Variants in LIG1 observed in about 807,000 individuals in gnomAD.
LIG1 encodes DNA ligase 1, also known as ligase I, DNA, ATP-dependent.
In LIG1, 70 loss-of-function variants were observed where a neutral mutation model predicts 115.7. The ratio of observed to expected loss-of-function variants is 0.60; its 90% CI spans 0.50 to 0.74. LIG1 has a LOEUF of 0.74. Ranked by LOEUF, LIG1 falls within the 30% of genes least tolerant of loss-of-function variation. LIG1 has a pLI of 0.00. For missense variants in LIG1, 1,115 were observed against 1,225.6 expected (o/e 0.91, Z 1.35); for synonymous variants, 487 against 495.3 (o/e 0.98, Z 0.22).
intron 11 of LIG1, among the ~76,000 whole-genome samples, chr19:48,142,871 G>A (rs570142960): frequency 3.5e-4 from 54 of 152,236 alleles, no homozygotes; most frequent in Admixed American, 7.2e-4. Context: ...TTGAACTCCT[G>A]ACCTCAGGTG....
Position 48,137,498 on chromosome 19 carries a change from G to C in LIG1, c.1254+24C>G, listed in dbSNP as rs1462692666. On this transcript the variant is annotated intron_variant, in intron 13 of 27. Transcript: ENST00000263274. The surrounding 1 kb of genome is among the most constrained non-coding windows in gnomAD (Gnocchi z 4.3). ...AGGTCCCCAAGATGTCTGGGGTCCGGGATGAGCGGCCCGCCCCACTCACAG... is the reference window on the plus strand; with the variant it reads ...AGGTCCCCAAGATGTCTGGGGTCCGCGATGAGCGGCCCGCCCCACTCACAG... 2 of 1,609,222 alleles carry C rather than the reference G, an allele frequency of 1.2e-6. No homozygotes were observed. The highest frequency in any genetic ancestry group is 4.5e-5 in the East Asian group (2 of 44,884).
chr19:48,119,254 A>G, intron 24 of LIG1, 64 bp from the exon 25 acceptor site: 1 of 1,356,726 alleles, frequency 7.4e-7, no homozygotes, highest in African/African-American at 1.5e-5. Context: ...TGCTCCTGCC[A>G]TCTAAAGCTG....
chr19:48,143,925 T>C lies in LIG1; in HGVS notation c.815A>G (p.Asn272Ser). The C allele has an allele frequency of 2.5e-6, 4 of 1,614,040 alleles. No individual in the cohort carries two copies. Among genetic ancestry groups the C allele is most frequent in the Non-Finnish European group, 2.5e-6 (3 of 1,179,988 alleles). ...GCAGGCATCTTCCACGGGATGATAG[T>C]TGTTCTTGGCAGGATTGTAACCAGA... is the stretch of plus-strand genomic sequence containing the variant. Reference protein sequence around the residue: ...DPSGYNPAKNNYHPVEDACWK... With the variant: ...DPSGYNPAKNSYHPVEDACWK... Residue 272 changes from asparagine (N) to serine (S), a missense_variant, in exon 10 of 28, where the codon AAC (asparagine) becomes AGC (serine). Transcript: ENST00000263274.
Position 48,157,028 on chromosome 19 carries a change from G to C in LIG1, c.356C>G (p.Pro119Arg), listed in dbSNP as rs12981963. The C allele has an allele frequency of 1.2e-6, 2 of 1,608,476 alleles. No homozygotes were observed. Among genetic ancestry groups the C allele is most frequent in the Non-Finnish European group, 1.7e-6 (2 of 1,176,972 alleles). The change falls in exon 5 of 28, where the codon CCG becomes CGG. Residue 119 changes from proline (P) to arginine (R), a missense_variant. Pro to Arg is a moderately radical substitution (Grantham distance 103). Coordinates refer to ENST00000263274, the MANE Select transcript of LIG1 (RefSeq NM_000234.3). ...SPMDSSPSGIPKRRTARKQLP... is the reference protein window; with the variant it reads ...SPMDSSPSGIRKRRTARKQLP... ...TGTGTTCTCACCTGTGCGACGCTTC[G>C]GAATCCCTGATGGGGAACTGTCCAT...
intron 9 of LIG1, among the ~76,000 whole-genome samples, chr19:48,146,319 A>G (rs1174218255): frequency 1.3e-5 from 2 of 152,218 alleles, no homozygotes; most frequent in Admixed American, 6.5e-5. Context: ...CCTGGCCAAC[A>G]TGGAGAAATT....
intron 4 of LIG1, among the ~76,000 whole-genome samples, chr19:48,158,215 T>C (rs551747567): frequency 6.6e-6 from 1 of 152,328 alleles, no homozygotes; most frequent in Admixed American, 6.5e-5. Flanking sequence ...AGTATTCCTT[T>C]ATAGCAATGC....
intron 5 of LIG1, chr19:48,154,235 G>A: frequency 2.2e-6 from 1 of 449,680 alleles, no homozygotes; most frequent in South Asian, 2.0e-5. Flanking sequence ...AAACAATGAT[G>A]TAATGTACTT....
At chr19:48,127,781 G>A (rs910027697) in intron 20 of LIG1, 129 bp downstream of exon 20, 19 of 832,288 alleles carry the variant, frequency 2.3e-5, no homozygotes, top group Non-Finnish European at 3.6e-5. Flanking sequence ...CCATTCTGCA[G>A]AAGGCTGAGA....
chr19:48,169,803 C>CT (rs1341301309), intron 1 of LIG1: 2 of 148,308 alleles, frequency 1.3e-5, no homozygotes, highest in African/African-American at 2.6e-5. Flanking sequence ...CACACGCAAT[C>CT]TTTTCCCCGG....
chr19:48,127,920 C>T lies in LIG1; in HGVS notation c.1922G>A (p.Arg641His), dbSNP rs34087182. The change falls in exon 20 of 28, where the codon CGC (arginine) becomes CAC (histidine). Residue 641 changes from arginine (R) to histidine (H), a missense_variant. Coordinates refer to ENST00000263274, the MANE Select transcript of LIG1 (RefSeq NM_000234.3). ...QIQPFQVLTT[R>H]KRKEVDASEI... ...AGCGGGTGATGCTACCTTGCGTTTGCGGGTGGTGAGCACTTGGAATGGCTG... is the reference window on the plus strand; with the variant it reads ...AGCGGGTGATGCTACCTTGCGTTTGTGGGTGGTGAGCACTTGGAATGGCTG... The T allele has an allele frequency of 2.5e-6, 4 of 1,613,642 alleles. No homozygotes were observed. Among genetic ancestry groups the T allele is most frequent in the South Asian group, 2.2e-5 (2 of 91,068 alleles).
intron 20 of LIG1, 191 bp from the exon 21 acceptor site, chr19:48,127,539 T>C: frequency 1.6e-6 from 1 of 628,676 alleles, no homozygotes; most frequent in Non-Finnish European, 2.9e-6. Context: ...GACAACCTCA[T>C]TCCCCTTCAC....
In LIG1 at chr19:48,127,273, T is replaced by C. The variant is rs1462018413; in HGVS notation, c.2004+4A>G. On this transcript the variant is annotated splice_donor_region_variant and intron_variant, in intron 21 of 27. Transcript: ENST00000263274. ...CTGCCCCTGGACAGGAAGCTGGAAC[T>C]CACCTCTCCATTGAGGTAGATGAGG... 6.2e-7 allele frequency: 1 copy of C among 1,612,340 alleles called. No individual in the cohort carries two copies. The highest frequency in any genetic ancestry group is 1.7e-5 in the Admixed American group (1 of 60,010).
Position 48,115,531 on chromosome 19 carries a change from C to A in LIG1, c.*118G>T. 1 of 754,182 alleles carries A rather than the reference C, an allele frequency of 1.3e-6. No individual in the cohort carries two copies. Among genetic ancestry groups the A allele is most frequent in the Non-Finnish European group, 2.3e-6 (1 of 429,190 alleles). The allele number at this position is 754,182 out of a possible 1,614,324, so 46.7% of individuals were successfully genotyped here. ...GCCACCCCCTCACACACACACCCCTCCCCTGACTCTCAAAATCCACAGCCT... is the reference window on the plus strand; with the variant it reads ...GCCACCCCCTCACACACACACCCCTACCCTGACTCTCAAAATCCACAGCCT... On this transcript the variant is annotated 3_prime_UTR_variant, in exon 28 of 28. Transcript: ENST00000263274.
Position 48,135,725 on chromosome 19 carries a change from T to C in LIG1, c.1478A>G (p.Lys493Arg). The change falls in exon 16 of 28, where the codon AAG becomes AGG. Residue 493 changes from lysine to arginine, a missense_variant. Physicochemically the swap from Lys to Arg is conservative, Grantham distance 26 (BLOSUM62 2). Transcript: ENST00000263274. ...CATGCCTTGCTCCTCCAGCCACGTC[T>C]TTCTGGCCTCTGCTGTCTTGCCCTT... Reference protein sequence around the residue: ...AGKGKTAEARKTWLEEQGMIL... With the variant: ...AGKGKTAEARRTWLEEQGMIL... The C allele has an allele frequency of 1.2e-6, 2 of 1,614,174 alleles. No homozygotes were observed. The highest frequency in any genetic ancestry group is 1.7e-6 in the Non-Finnish European group (2 of 1,180,026).
At chr19:48,117,891 G>T in intron 25 of LIG1, 110 bp from the exon 26 acceptor site, 1 of 1,086,246 alleles carries the variant, frequency 9.2e-7, no homozygotes, top group Non-Finnish European at 1.4e-6. Context: ...GCACCCCCTT[G>T]AAGTAAACAG....
At chr19:48,164,386 T>A (rs1182421190) in intron 2 of LIG1, among the ~76,000 whole-genome samples, 1 of 152,238 alleles carries the variant, frequency 6.6e-6, no homozygotes, top group South Asian at 2.1e-4. Flanking sequence ...TACCATCCAT[T>A]TTTTCCTCCT....
chr19:48,167,024 G>A (rs1206074457), intron 1 of LIG1, among the ~76,000 whole-genome samples: 1 of 150,670 alleles, frequency 6.6e-6, no homozygotes, highest in Admixed American at 6.6e-5. Context: ...TCTTAATCTG[G>A]GGTCCACAAA....
intron 20 of LIG1, 106 bp downstream of exon 20, chr19:48,127,804 G>A (rs1041060465): frequency 2.1e-6 from 2 of 935,480 alleles, no homozygotes; most frequent in Non-Finnish European, 3.6e-6. Flanking sequence ...AGTGCATCCA[G>A]ACTGACACTC....
In LIG1 at chr19:48,143,890, C is replaced by T; in HGVS notation, c.850G>A (p.Gly284Ser). 6.2e-7 allele frequency: 1 copy of T among 1,613,358 alleles called. No homozygotes were observed. Among genetic ancestry groups the T allele is most frequent in the East Asian group, 2.2e-5 (1 of 44,852 alleles). ...AAAAGGGAGAAACCTCACTTCTGGC[C>T]CGGTTTCCAGCAGGCATCTTCCACG... ...HPVEDACWKP[G>S]QKVPYLAVAR... Residue 284 changes from glycine (G) to serine (S), a missense_variant, in exon 10 of 28, where the codon GGC becomes AGC. Physicochemically the swap from Gly to Ser is moderately conservative, Grantham distance 56 (BLOSUM62 0). Coordinates refer to ENST00000263274, the MANE Select transcript of LIG1 (RefSeq NM_000234.3).
Sources: gnomAD v4.1 joint callset for allele counts (sites outside exome capture counted in the v4.1 genomes callset) on GRCh38, gnomAD v4.1.1 for gene constraint, Gnocchi (gnomAD v3.1) non-coding constraint, MANE v1.5 for transcripts, NCBI Gene and HGNC (gene_info 2026-07-23, HGNC 2026-07-21) for gene names.